FANCE: variants seen among roughly 807,000 people sequenced by gnomAD.
The protein encoded by FANCE is Fanconi anemia group E protein.
In FANCE, 42 loss-of-function variants were observed where a neutral mutation model predicts 57.8. That is an observed-to-expected ratio of 0.73 (90% CI 0.57 to 0.94). FANCE has a LOEUF of 0.94. FANCE is among the 40% of genes least tolerant of loss of function. The pLI, the probability that FANCE is intolerant of heterozygous loss-of-function variation, is 0.00. For synonymous variants in FANCE, 251 were observed against 286.4 expected, an observed-to-expected ratio of 0.88 and a Z score of 1.25; for missense variants, 608 against 661.8, an observed-to-expected ratio of 0.92 and a Z score of 0.89.
At chr6:35,459,507 C>T in intron 6 of FANCE, 53 bp downstream of exon 6, 1 of 1,612,976 alleles carries the variant, frequency 6.2e-7, no homozygotes, top group Non-Finnish European at 8.5e-7. Context: ...GTGTTCTCAG[C>T]ATCCTTCACC....
Position 35,459,435 on chromosome 6 carries a change from G to A in FANCE, c.1218G>A (p.Val406=). The A allele has an allele frequency of 6.2e-7, 1 of 1,614,018 alleles. No individual in the cohort carries two copies. Among genetic ancestry groups the A allele is most frequent in the Non-Finnish European group, 8.5e-7 (1 of 1,180,030 alleles). ...YPVCSALLDP[V]LQAPGTGPAQ... is the part of the protein sequence containing the mutation. Reference sequence around the variant, plus strand: ...TCTGCAGCGCCCTCCTTGACCCTGTGCTCCAGGCCCCAGGCACAGGTAATT... The same window carrying A: ...TCTGCAGCGCCCTCCTTGACCCTGTACTCCAGGCCCCAGGCACAGGTAATT... The change falls in exon 6 of 10, where the codon GTG becomes GTA. Residue 406 remains valine, a synonymous_variant. Transcript: ENST00000229769.
chr6:35,459,452 C>T lies in FANCE; in HGVS notation c.1235C>T (p.Thr412Ile), dbSNP rs1413106845. ...GACCCTGTGCTCCAGGCCCCAGGCACAGGTAATTCTGGAACCAGCCCCAGG... is the reference window on the plus strand; with the variant it reads ...GACCCTGTGCTCCAGGCCCCAGGCATAGGTAATTCTGGAACCAGCCCCAGG... ...LLDPVLQAPG[T>I]GPAQTELLCC... Residue 412 changes from threonine (T) to isoleucine (I), a missense_variant and splice_region_variant, in exon 6 of 10, where the codon ACA becomes ATA. Transcript: ENST00000229769. 6 of 1,613,906 alleles carry T rather than the reference C, an allele frequency of 3.7e-6. No homozygotes were observed. Among genetic ancestry groups the T allele is most frequent in the Admixed American group, 1.7e-5 (1 of 60,000 alleles).
chr6:35,458,061 C>T, intron 4 of FANCE, 77 bp downstream of exon 4: 1 of 1,439,148 alleles, frequency 6.9e-7, no homozygotes, highest in Non-Finnish European at 9.8e-7. Context: ...TTATGTTTTC[C>T]TACCTCATGT....
intron 9 of FANCE, among the ~76,000 whole-genome samples, chr6:35,463,584 G>A (rs146496351): frequency 2.6e-5 from 4 of 151,848 alleles, no homozygotes; most frequent in East Asian, 1.9e-4. Flanking sequence ...GGTGAGAGGT[G>A]TGCAAAGGGC....
chr6:35,459,390 T>G lies in FANCE; in HGVS notation c.1173T>G (p.Cys391Trp). 1.9e-6 allele frequency: 3 copies of G among 1,614,160 alleles called. No individual in the cohort carries two copies. Among genetic ancestry groups the G allele is most frequent in the Non-Finnish European group, 2.5e-6 (3 of 1,180,042 alleles). Residue 391 changes from cysteine to tryptophan, a missense_variant, in exon 6 of 10, where the codon TGT becomes TGG. Transcript: ENST00000229769. ...RLLTTALTSF[C>W]AKYTYPVCSA... ...TTACAACTGCCCTGACCTCCTTCTG[T>G]GCCAAATATACATACCCTGTCTGCA...
chr6:35,459,851 T>TTCC, intron 7 of FANCE, 91 bp downstream of exon 7: 1 of 1,098,756 alleles, frequency 9.1e-7, no homozygotes, highest in Non-Finnish European at 1.4e-6. Context: ...CAGGGAAGGC[T>TTCC]TACCTTCTCT....
intron 9 of FANCE, among the ~76,000 whole-genome samples, chr6:35,464,023 C>G (rs1392291094): frequency 6.6e-6 from 1 of 151,858 alleles, no homozygotes; most frequent in Non-Finnish European, 1.5e-5. Flanking sequence ...AAGGGCATTT[C>G]AGGAAAAAGA....
chr6:35,453,293 G>C (rs1767185875), intron 1 of FANCE, among the ~76,000 whole-genome samples: 1 of 151,966 alleles, frequency 6.6e-6, no homozygotes, highest in Admixed American at 6.6e-5. Context: ...ATAATTTCTG[G>C]CTCTTGGATG....
chr6:35,454,700 T>C (rs1266319790), intron 1 of FANCE, among the ~76,000 whole-genome samples: 1 of 152,248 alleles, frequency 6.6e-6, no homozygotes, highest in African/African-American at 2.4e-5. Context: ...GACAGAGCAT[T>C]GGTTCTGCTT....
In FANCE at chr6:35,458,395, C is replaced by T. The variant is rs748538800; in HGVS notation, c.1068C>T (p.Ser356=). 1.2e-6 allele frequency: 2 copies of T among 1,614,076 alleles called. No individual in the cohort carries two copies. Among genetic ancestry groups the T allele is most frequent in the African/African-American group, 1.3e-5 (1 of 74,912 alleles). ...TGCTGGCCCTTTCACCTGATCTCAG[C>T]CTCAGCAATGCTACTGTGCTGACCA... ...TWLLALSPDL[S]LSNATVLTRS... The change falls in exon 5 of 10, where the codon AGC becomes AGT. Residue 356 remains serine, a synonymous_variant. Transcript: ENST00000229769.
At chr6:35,459,913 C>A (rs1767516803) in intron 7 of FANCE, among the ~76,000 whole-genome samples, 153 bp downstream of exon 7, 1 of 152,106 alleles carries the variant, frequency 6.6e-6, no homozygotes, top group African/African-American at 2.4e-5. Flanking sequence ...CTTTATGAGT[C>A]CTCTTTGCCT....
intron 1 of FANCE, 48 bp from the exon 2 acceptor site, chr6:35,455,699 C>T (rs2150889675): frequency 6.2e-7 from 1 of 1,608,502 alleles, no homozygotes. Context: ...CTGCCTTGTG[C>T]TCCCTTCAGC....
chr6:35,453,312 CT>C (rs1280516172), intron 1 of FANCE, among the ~76,000 whole-genome samples: 1 of 151,244 alleles, frequency 6.6e-6, no homozygotes, highest in Admixed American at 6.6e-5. Flanking sequence ...TGACATTGAA[CT>C]TTTTTTTTAA....
chr6:35,452,536 G>A lies in FANCE; in HGVS notation c.-10G>A, dbSNP rs2150885266. 7.7e-7 allele frequency: 1 copy of A among 1,304,302 alleles called. No homozygotes were observed. The highest frequency in any genetic ancestry group is 9.8e-7 in the Non-Finnish European group (1 of 1,023,352). The allele number at this position is 1,304,302 out of a possible 1,614,324, so 80.8% of individuals were successfully genotyped here. On this transcript the variant is annotated 5_prime_UTR_variant, in exon 1 of 10. The change creates a new upstream start codon in the 5' untranslated region. Coordinates refer to ENST00000229769, the MANE Select transcript of FANCE (RefSeq NM_021922.3). ...CAGAGTAGGGGGCGGCGCGGCACCC[G>A]TGCCCCGGCATGGCGACACCGGACG...
chr6:35,459,092 A>G (rs997082295), intron 5 of FANCE, among the ~76,000 whole-genome samples: 21 of 152,130 alleles, frequency 1.4e-4, no homozygotes, highest in Non-Finnish European at 2.9e-4. Flanking sequence ...GCTGGCATCT[A>G]ACTTCTCTTT....
intron 9 of FANCE, among the ~76,000 whole-genome samples, chr6:35,463,288 G>T (rs45581339): frequency 6.6e-6 from 1 of 151,918 alleles, no homozygotes; most frequent in Admixed American, 6.6e-5. Flanking sequence ...AGCATAGTGA[G>T]ACTCCATCTC....
chr6:35,456,978 A>T lies in FANCE; in HGVS notation c.856-578A>T, dbSNP rs1292627934. Among the ~76,000 whole-genome samples, 1 of 152,208 alleles carries T rather than the reference A, an allele frequency of 6.6e-6. No homozygotes were observed. Among genetic ancestry groups the T allele is most frequent in the South Asian group, 2.1e-4 (1 of 4,830 alleles). ...GGTGGGAAGAATCATGACAGCATCCAGTCTGCCCCTGCCTCCTAGTCTGAG... is the reference window on the plus strand; with the variant it reads ...GGTGGGAAGAATCATGACAGCATCCTGTCTGCCCCTGCCTCCTAGTCTGAG... On this transcript the variant is annotated intron_variant, in intron 2 of 9. Coordinates refer to ENST00000229769, the MANE Select transcript of FANCE (RefSeq NM_021922.3). This position sits in a 1 kb window ranked among gnomAD's most constrained non-coding sequence, Gnocchi z 4.3.
chr6:35,456,499 TAG>T lies in FANCE; in HGVS notation c.855+147_855+148del. 9.6e-7 allele frequency: 1 copy of T among 1,037,896 alleles called. No individual in the cohort carries two copies. Among genetic ancestry groups the T allele is most frequent in the Non-Finnish European group, 1.5e-6 (1 of 668,216 alleles). 64.3% of individuals were successfully genotyped at this position (1,037,896 alleles called of 1,614,324 possible). A position where few individuals can be genotyped will look rare whatever the true frequency, so the allele number is the denominator to read the frequency against. ...GGAGGAAGGTAGGGTTGAGGGAATGTAGCCTCCACTCTACAGACTCTTTTTTT... is the reference window on the plus strand; with the variant it reads ...GGAGGAAGGTAGGGTTGAGGGAATGTCCTCCACTCTACAGACTCTTTTTTT... On this transcript the variant is annotated intron_variant, in intron 2 of 9. Transcript: ENST00000229769. The surrounding 1 kb of genome is among the most constrained non-coding windows in gnomAD (Gnocchi z 4.3).
In FANCE at chr6:35,462,816, G is replaced by A; in HGVS notation, c.1411G>A (p.Val471Ile). Residue 471 changes from valine (V) to isoleucine (I), a missense_variant, in exon 9 of 10, where the codon GTC becomes ATC. Physicochemically the swap from Val to Ile is conservative, Grantham distance 29. Coordinates refer to ENST00000229769, the MANE Select transcript of FANCE (RefSeq NM_021922.3). Reference protein sequence around the residue: ...QVEMTPEKFSVLMEKLCKKGL... With the variant: ...QVEMTPEKFSILMEKLCKKGL... Reference sequence around the variant, plus strand: ...GGAGATGACCCCTGAGAAGTTCAGTGTCTTAATGGAGAAGCTCTGTAAAAA... The same window carrying A: ...GGAGATGACCCCTGAGAAGTTCAGTATCTTAATGGAGAAGCTCTGTAAAAA... 6.2e-7 allele frequency: 1 copy of A among 1,614,186 alleles called. No individual in the cohort carries two copies. Among genetic ancestry groups the A allele is most frequent in the Non-Finnish European group, 8.5e-7 (1 of 1,180,006 alleles).
Sources: gnomAD v4.1 joint callset for allele counts (sites outside exome capture counted in the v4.1 genomes callset) on GRCh38, gnomAD v4.1.1 for gene constraint, Gnocchi (gnomAD v3.1) non-coding constraint, MANE v1.5 for transcripts, NCBI Gene and HGNC (gene_info 2026-07-23, HGNC 2026-07-21) for gene names.